Variants in IQCJ observed in about 807,000 individuals in gnomAD.
IQCJ encodes IQ domain-containing protein J.
IQCJ carries 9 observed loss-of-function variants against 11.0 expected under a neutral mutation model. The ratio of observed to expected loss-of-function variants is 0.82; its 90% CI spans 0.49 to 1.43. The LOEUF (loss-of-function observed/expected upper bound fraction) is 1.43. Ranked by LOEUF, IQCJ falls within the 40% of genes most tolerant of loss-of-function variation. The probability of loss-of-function intolerance (pLI) is 0.00; values close to 1 mark genes in which losing one functional copy is unlikely to be tolerated. For synonymous variants in IQCJ, 55 were observed against 51.3 expected (o/e 1.07, Z -0.31); for missense variants, 146 against 133.2 (o/e 1.10, Z -0.47).
chr3:159,178,676 G>A (rs1258995076), intron 1 of IQCJ, among the ~76,000 whole-genome samples: 2 of 152,108 alleles, frequency 1.3e-5, no homozygotes, highest in Non-Finnish European at 2.9e-5. Context: ...TGGTTAGTTA[G>A]CCAGGTAGAT....
intron 1 of IQCJ, among the ~76,000 whole-genome samples, chr3:159,232,330 T>C (rs1726306692): frequency 6.6e-6 from 1 of 152,160 alleles, no homozygotes; most frequent in African/African-American, 2.4e-5. Flanking sequence ...GTATGTTGTG[T>C]CTTTGTTCTC....
chr3:159,158,142 A>G (rs1232825018), intron 1 of IQCJ, among the ~76,000 whole-genome samples: 1 of 152,232 alleles, frequency 6.6e-6, no homozygotes, highest in East Asian at 1.9e-4. Context: ...CTTTTAAACC[A>G]GTTTTTCTGT....
At chr3:159,072,491 T>A (rs1054742693) in intron 1 of IQCJ, among the ~76,000 whole-genome samples, 1 of 152,036 alleles carries the variant, frequency 6.6e-6, no homozygotes, top group Non-Finnish European at 1.5e-5. Flanking sequence ...TTAAAAAAAA[T>A]TACAGAGTTG....
chr3:159,241,807 C>T (rs763617527), intron 1 of IQCJ, among the ~76,000 whole-genome samples: 13 of 152,196 alleles, frequency 8.5e-5, no homozygotes, highest in Non-Finnish European at 1.2e-4. Context: ...AAACCTACTT[C>T]CATGGTGCCT....
At position 159,095,331 on chromosome 3, in the gene IQCJ, C is replaced by T. The variant is rs554323853; in HGVS notation, c.9+25890C>T. Reference sequence around the variant, plus strand: ...GCTGCTTATTTTTGGAATATAGAGACGACAGATCAAGAGGAAAATTTATTT... The same window carrying T: ...GCTGCTTATTTTTGGAATATAGAGATGACAGATCAAGAGGAAAATTTATTT... On this transcript the variant is annotated intron_variant, in intron 1 of 3. Coordinates refer to ENST00000397832, the MANE Select transcript of IQCJ (RefSeq NM_001042706.3). Among the ~76,000 whole-genome samples the T allele has an allele frequency of 6.5e-4, 98 of 151,400 alleles. 1 individual carries two copies. Among genetic ancestry groups the T allele is most frequent in the African/African-American group, 1.1e-3 (44 of 40,922 alleles).
chr3:159,238,743 A>G (rs1726738407), intron 1 of IQCJ, among the ~76,000 whole-genome samples: 1 of 151,916 alleles, frequency 6.6e-6, no homozygotes, highest in Non-Finnish European at 1.5e-5. Context: ...GGTGTGGATC[A>G]GTAGAAGAGT....
chr3:159,093,859 A>G (rs1280453612), intron 1 of IQCJ, among the ~76,000 whole-genome samples: 2 of 151,792 alleles, frequency 1.3e-5, no homozygotes, highest in African/African-American at 2.4e-5. Flanking sequence ...GCTCACTATC[A>G]CAAGAACAGC....
At chr3:159,082,344 A>T (rs754957599) in intron 1 of IQCJ, among the ~76,000 whole-genome samples, 2 of 149,220 alleles carry the variant, frequency 1.3e-5, no homozygotes, top group Non-Finnish European at 2.9e-5. Context: ...AAACAACTCT[A>T]TAAGTTTTTT....
intron 3 of IQCJ, among the ~76,000 whole-genome samples, chr3:159,260,480 T>C (rs1009220898): frequency 2.0e-5 from 3 of 152,146 alleles, no homozygotes; most frequent in Non-Finnish European, 4.4e-5. Context: ...GTTTAGAGAC[T>C]TTAGGAACCT....
intron 1 of IQCJ, among the ~76,000 whole-genome samples, chr3:159,242,554 A>G (rs901611221): frequency 6.9e-6 from 1 of 145,724 alleles, no homozygotes; most frequent in East Asian, 2.0e-4. Context: ...ATTAAAAGCC[A>G]CATGCCAGCT....
chr3:159,088,787 T>C (rs1297437222), intron 1 of IQCJ, among the ~76,000 whole-genome samples: 1 of 152,096 alleles, frequency 6.6e-6, no homozygotes, highest in African/African-American at 2.4e-5. Flanking sequence ...TCTTCCTCCA[T>C]CCTTTTATTT....
intron 1 of IQCJ, among the ~76,000 whole-genome samples, chr3:159,087,440 G>A (rs1262371497): frequency 1.3e-5 from 2 of 148,570 alleles, no homozygotes; most frequent in Non-Finnish European, 3.0e-5. Flanking sequence ...CATAAAATGA[G>A]TTAGGGAGGA....
chr3:159,116,778 A>G (rs1719048251), intron 1 of IQCJ, among the ~76,000 whole-genome samples: 1 of 151,304 alleles, frequency 6.6e-6, no homozygotes, highest in African/African-American at 2.4e-5. Context: ...CTTTTGTGCA[A>G]TTGAAAAAGG....
chr3:159,151,488 C>T (rs933934612), intron 1 of IQCJ, among the ~76,000 whole-genome samples: 1 of 152,228 alleles, frequency 6.6e-6, no homozygotes, highest in African/African-American at 2.4e-5. Context: ...GCTGCTCTGG[C>T]CTGCTGTCTC....
intron 3 of IQCJ, among the ~76,000 whole-genome samples, chr3:159,261,015 C>A (rs750994958): frequency 6.6e-5 from 10 of 152,136 alleles, no homozygotes; most frequent in Non-Finnish European, 8.8e-5. Flanking sequence ...TTGTAATTCC[C>A]AGACCTTTAA....
chr3:159,244,164 G>T (rs184499235), intron 1 of IQCJ, among the ~76,000 whole-genome samples: 1 of 152,328 alleles, frequency 6.6e-6, no homozygotes, highest in East Asian at 1.9e-4. Flanking sequence ...AGTAGGCAGG[G>T]TGGATATCAT....
intron 1 of IQCJ, among the ~76,000 whole-genome samples, chr3:159,113,437 A>T (rs963666263): frequency 2.0e-5 from 3 of 152,230 alleles, no homozygotes; most frequent in African/African-American, 7.2e-5. Context: ...GGAGGAGGAA[A>T]AGAAAGAGAA....
At chr3:159,231,334 A>G (rs957767794) in intron 1 of IQCJ, among the ~76,000 whole-genome samples, 5 of 152,214 alleles carry the variant, frequency 3.3e-5, no homozygotes, top group Non-Finnish European at 7.3e-5. Context: ...ATATGTGTTC[A>G]GTGAAAATAC....
intron 1 of IQCJ, among the ~76,000 whole-genome samples, chr3:159,119,391 G>A (rs989927205): frequency 1.3e-5 from 2 of 152,140 alleles, no homozygotes; most frequent in Non-Finnish European, 2.9e-5. Flanking sequence ...ACATGCGGCA[G>A]ACTACCAAAA....
Sources: gnomAD v4.1 joint callset for allele counts (sites outside exome capture counted in the v4.1 genomes callset) on GRCh38, gnomAD v4.1.1 for gene constraint, MANE v1.5 for transcripts, NCBI Gene and HGNC (gene_info 2026-07-23, HGNC 2026-07-21) for gene names.